The following PCDHGB3 variants were observed in gnomAD, a reference collection of about 807,000 sequenced individuals.
PCDHGB3 encodes protocadherin gamma subfamily B, 3.
In PCDHGB3, 40 loss-of-function variants were observed where a neutral mutation model predicts 59.2. The ratio of observed to expected loss-of-function variants is 0.68; its 90% confidence interval spans 0.52 to 0.88. The LOEUF (loss-of-function observed/expected upper bound fraction) is 0.88. Among genes scored for constraint, PCDHGB3 ranks in the 40% least tolerant of loss-of-function variants. The pLI, the probability that PCDHGB3 is intolerant of heterozygous loss-of-function variation, is 0.00. For missense variants in PCDHGB3, 1,309 were observed against 1,187.9 expected (o/e 1.10, Z -1.50); for synonymous variants, 581 against 503.6 (o/e 1.15, Z -2.06).
At position 141,497,121 on chromosome 5, in the gene PCDHGB3, G is replaced by T. The variant is rs185298630; in HGVS notation, c.2474+2256G>T. Among the ~76,000 whole-genome samples, 563 of 152,212 alleles carry T rather than the reference G, an allele frequency of 3.7e-3. 5 individuals are homozygous for T. The highest frequency in any genetic ancestry group is 0.011 in the Admixed American group (164 of 15,296). On this transcript the variant is annotated intron_variant, in intron 2 of 3. Coordinates refer to ENST00000576222, the MANE Select transcript of PCDHGB3 (RefSeq NM_018924.5). Reference sequence around the variant, plus strand: ...GAACTGCTTGAACCCGGAAGGCAGAGGTTGCAGTGAGCTGAGATCACGAAA... The same window carrying T: ...GAACTGCTTGAACCCGGAAGGCAGATGTTGCAGTGAGCTGAGATCACGAAA...
At chr5:141,500,026 T>G (rs1297397353) in intron 2 of PCDHGB3, among the ~76,000 whole-genome samples, 1 of 151,974 alleles carries the variant, frequency 6.6e-6, no homozygotes, top group Non-Finnish European at 1.5e-5. Flanking sequence ...TATATTTGAG[T>G]GAGTGTCTCT....
intron 1 of PCDHGB3, chr5:141,389,222 C>T (rs765730840): frequency 6.2e-7 from 1 of 1,614,072 alleles, no homozygotes; most frequent in Non-Finnish European, 8.5e-7. Flanking sequence ...TAAATGACAA[C>T]GCTCCGGTTT....
chr5:141,482,350 G>A lies in PCDHGB3; in HGVS notation c.2416-12457G>A, dbSNP rs184055854. ...AGAATATCTACTTTGCAAACTTGTT[G>A]TGAGAGTGAAAAGTAATGCATATAA... On this transcript the variant is annotated intron_variant, in intron 1 of 3. Coordinates refer to ENST00000576222, the MANE Select transcript of PCDHGB3 (RefSeq NM_018924.5). Among the ~76,000 whole-genome samples the A allele has an allele frequency of 5.3e-5, 8 of 152,200 alleles. No individual in the cohort carries two copies. In the East Asian group the frequency reaches 1.4e-3, roughly 26 times the overall value.
At chr5:141,426,445 A>T (rs2096937062) in intron 1 of PCDHGB3, 1 of 310,256 alleles carries the variant, frequency 3.2e-6, no homozygotes, top group East Asian at 8.0e-5. Context: ...TGCGGAGGAC[A>T]TGCGGCTGCA....
At chr5:141,422,758 A>C (rs1237677806) in intron 1 of PCDHGB3, 3 of 1,613,032 alleles carry the variant, frequency 1.9e-6, no homozygotes, top group Non-Finnish European at 2.5e-6. Flanking sequence ...TATTAACTCC[A>C]ACACTGGTGT....
intron 1 of PCDHGB3, among the ~76,000 whole-genome samples, chr5:141,482,447 T>C (rs2099560010): frequency 6.7e-6 from 1 of 149,882 alleles, no homozygotes; most frequent in East Asian, 1.9e-4. Flanking sequence ...ATTCACCATT[T>C]ATTAGCATCC....
intron 2 of PCDHGB3, among the ~76,000 whole-genome samples, chr5:141,497,539 C>A (rs2099777336): frequency 6.9e-6 from 1 of 145,274 alleles, no homozygotes; most frequent in African/African-American, 2.6e-5. Context: ...ATGCAACAAA[C>A]CTTTTTTTTT....
At chr5:141,495,356 C>A (rs889897990) in intron 2 of PCDHGB3, among the ~76,000 whole-genome samples, 3 of 152,222 alleles carry the variant, frequency 2.0e-5, no homozygotes, top group Non-Finnish European at 4.4e-5. Flanking sequence ...GGCAGCACAG[C>A]TGGAGGTGGA....
intron 1 of PCDHGB3, chr5:141,419,008 G>T: frequency 6.2e-7 from 1 of 1,613,978 alleles, no homozygotes; most frequent in Non-Finnish European, 8.5e-7. Flanking sequence ...GGGAAGTCAG[G>T]TGTAGCTTAA....
chr5:141,372,703 T>C lies in PCDHGB3; in HGVS notation c.2309T>C (p.Ile770Thr), dbSNP rs1379730424. Residue 770 changes from isoleucine (I) to threonine (T), a missense_variant, in exon 1 of 4, where the codon ATA becomes ACA. Ile to Thr is a moderately conservative substitution (Grantham distance 89, BLOSUM62 -1). Coordinates refer to ENST00000576222, the MANE Select transcript of PCDHGB3 (RefSeq NM_018924.5). ...AACACCGAGTTTAAATTTCTCAATATAAAGGCTGAAAATGCTGCACCACAA... is the reference window on the plus strand; with the variant it reads ...AACACCGAGTTTAAATTTCTCAATACAAAGGCTGAAAATGCTGCACCACAA... ...SSNTEFKFLN[I>T]KAENAAPQDL... 1 of 1,614,012 alleles carries C rather than the reference T, an allele frequency of 6.2e-7. No homozygotes were observed. Among genetic ancestry groups the C allele is most frequent in the Non-Finnish European group, 8.5e-7 (1 of 1,179,878 alleles).
chr5:141,375,300 C>A lies in PCDHGB3; in HGVS notation c.2415+2491C>A, dbSNP rs374837091. On this transcript the variant is annotated intron_variant, in intron 1 of 3. Transcript: ENST00000576222. ...GTTGGCAATTATTATCGATTAGTGA[C>A]AAATGCAGCTCTAGACCGGGAAGAG... 1.3e-5 allele frequency: 21 copies of A among 1,613,664 alleles called. No homozygotes were observed. In the African/African-American group the frequency reaches 2.1e-4, roughly 16 times the overall value.
chr5:141,493,346 C>T lies in PCDHGB3; in HGVS notation c.2416-1461C>T, dbSNP rs766845200. Among the ~76,000 whole-genome samples, 5 of 152,172 alleles carry T rather than the reference C, an allele frequency of 3.3e-5. No individual in the cohort carries two copies. Among genetic ancestry groups the T allele is most frequent in the Non-Finnish European group, 7.3e-5 (5 of 68,028 alleles). On this transcript the variant is annotated intron_variant, in intron 1 of 3. Coordinates refer to ENST00000576222, the MANE Select transcript of PCDHGB3 (RefSeq NM_018924.5). The surrounding 1 kb of genome is among the most constrained non-coding windows in gnomAD (Gnocchi z 4.3). Reference sequence around the variant, plus strand: ...CCCCTGTCTAACTCCAGAATGTGTGCTTTTAATTTCTTGGCACTTGGAACT... The same window carrying T: ...CCCCTGTCTAACTCCAGAATGTGTGTTTTTAATTTCTTGGCACTTGGAACT...
chr5:141,405,407 C>G, intron 1 of PCDHGB3: 2 of 1,582,052 alleles, frequency 1.3e-6, no homozygotes, highest in Non-Finnish European at 1.7e-6. Flanking sequence ...TCTTTCTTTT[C>G]TTTTTTTGTT....
At position 141,491,910 on chromosome 5, in the gene PCDHGB3, G is replaced by T. The variant is rs946745903; in HGVS notation, c.2416-2897G>T. On this transcript the variant is annotated intron_variant, in intron 1 of 3. Coordinates refer to ENST00000576222, the MANE Select transcript of PCDHGB3 (RefSeq NM_018924.5). This position sits in a 1 kb window ranked among gnomAD's most constrained non-coding sequence, Gnocchi z 6.9. ...GGCTCCGAGCACCGGGGGTGGTGGC[G>T]ACTGTGGGCGAGGGGAGGTGGGACC... 3.6e-6 allele frequency: 5 copies of T among 1,406,946 alleles called. No individual in the cohort carries two copies. Among genetic ancestry groups the T allele is most frequent in the Non-Finnish European group, 4.7e-6 (5 of 1,059,702 alleles). 87.2% of individuals were successfully genotyped at this position (1,406,946 alleles called of 1,614,324 possible).
At chr5:141,423,497 A>G in intron 1 of PCDHGB3, 4 of 1,613,940 alleles carry the variant, frequency 2.5e-6, no homozygotes, top group Non-Finnish European at 3.4e-6. Flanking sequence ...TATTCCCACG[A>G]GGTCTCTCTC....
Position 141,490,109 on chromosome 5 carries a change from G to A in PCDHGB3, c.2416-4698G>A, listed in dbSNP as rs775286436. The A allele has an allele frequency of 3.4e-5, 55 of 1,614,114 alleles. No homozygotes were observed. Among genetic ancestry groups the A allele is most frequent in the African/African-American group, 8.0e-5 (6 of 74,940 alleles). ...GGAGACCACACATCTGAGGCAGTGC[G>A]GAACCTCTTTGGCCTAGACCCTAGC... On this transcript the variant is annotated intron_variant, in intron 1 of 3. Coordinates refer to ENST00000576222, the MANE Select transcript of PCDHGB3 (RefSeq NM_018924.5). This position sits in a 1 kb window ranked among gnomAD's most constrained non-coding sequence, Gnocchi z 5.4.
rs1252377833 is a variant in PCDHGB3, at chr5:141,485,012, G to T, written c.2416-9795G>T. On this transcript the variant is annotated intron_variant, in intron 1 of 3. Coordinates refer to ENST00000576222, the MANE Select transcript of PCDHGB3 (RefSeq NM_018924.5). The surrounding 1 kb of genome is among the most constrained non-coding windows in gnomAD (Gnocchi z 5.7). Reference sequence around the variant, plus strand: ...GGTGAAAGGCAGACAAATCTACCCCGCCACCAGCAAAAACGGCGCGTAACC... The same window carrying T: ...GGTGAAAGGCAGACAAATCTACCCCTCCACCAGCAAAAACGGCGCGTAACC... The T allele has an allele frequency of 1.3e-5, 8 of 630,528 alleles. No individual in the cohort carries two copies. In the Admixed American group the frequency reaches 1.5e-4, roughly 12 times the overall value. 39.1% of individuals were successfully genotyped at this position (630,528 alleles called of 1,614,324 possible).
At chr5:141,375,611 G>C (rs1049659012) in intron 1 of PCDHGB3, 3 of 1,614,060 alleles carry the variant, frequency 1.9e-6, no homozygotes, top group African/African-American at 1.3e-5. Context: ...CATCAACTCC[G>C]ACACTGGGAT....
Position 141,490,330 on chromosome 5 carries a change from C to G in PCDHGB3, c.2416-4477C>G. 4 of 1,614,198 alleles carry G rather than the reference C, an allele frequency of 2.5e-6. No homozygotes were observed. Among genetic ancestry groups the G allele is most frequent in the South Asian group, 1.1e-5 (1 of 91,082 alleles). On this transcript the variant is annotated intron_variant, in intron 1 of 3. Coordinates refer to ENST00000576222, the MANE Select transcript of PCDHGB3 (RefSeq NM_018924.5). This position sits in a 1 kb window ranked among gnomAD's most constrained non-coding sequence, Gnocchi z 5.4. ...GGCCAACCCTGTCCTAGAGAGCACACCAGTGGGCACAGTAGTGGGGTTGTT... is the reference window on the plus strand; with the variant it reads ...GGCCAACCCTGTCCTAGAGAGCACAGCAGTGGGCACAGTAGTGGGGTTGTT...
Sources: gnomAD v4.1 joint callset for allele counts (sites outside exome capture counted in the v4.1 genomes callset) on GRCh38, gnomAD v4.1.1 for gene constraint, Gnocchi (gnomAD v3.1) non-coding constraint, MANE v1.5 for transcripts, NCBI Gene and HGNC (gene_info 2026-07-23, HGNC 2026-07-21) for gene names.